Variants in RAB3C observed in about 807,000 individuals in gnomAD.
The protein encoded by RAB3C is ras-related protein Rab-3C.
RAB3C carries 17 observed loss-of-function variants against 26.4 expected under a neutral mutation model. The observed-to-expected ratio is 0.64, with a 90% confidence interval of 0.44 to 0.97. The LOEUF is 0.97. RAB3C is among the 50% of genes least tolerant of loss of function. The probability of loss-of-function intolerance (pLI) is 0.00; values close to 1 mark genes in which losing one functional copy is unlikely to be tolerated. For synonymous variants in RAB3C, 91 were observed against 95.9 expected, an observed-to-expected ratio of 0.95 and a Z score of 0.30; for missense variants, 242 against 281.9, an observed-to-expected ratio of 0.86 and a Z score of 1.01.
At chr5:58,589,005 C>A (rs1273508304) in intron 1 of RAB3C, among the ~76,000 whole-genome samples, 1 of 151,986 alleles carries the variant, frequency 6.6e-6, no homozygotes, top group Admixed American at 6.6e-5. Flanking sequence ...GAAGACCTTC[C>A]GTTTTTTATC....
intron 3 of RAB3C, among the ~76,000 whole-genome samples, chr5:58,786,492 C>T (rs997854890): frequency 4.6e-5 from 7 of 152,130 alleles, no homozygotes; most frequent in Non-Finnish European, 8.8e-5. Flanking sequence ...CTTGGCCTCT[C>T]CTCCCCGCCC....
Position 58,766,376 on chromosome 5 carries a change from A to G in RAB3C, c.371+40256A>G, listed in dbSNP as rs142375904. Among the ~76,000 whole-genome samples, 32 of 152,196 alleles carry G rather than the reference A, an allele frequency of 2.1e-4. 1 individual carries two copies. In the East Asian group the frequency reaches 5.6e-3, roughly 27 times the overall value. ...CGTGATCCACCCACCTCGGCCCCCC[A>G]AAGTGCTGGGATTACAGGCATGAGC... On this transcript the variant is annotated intron_variant, in intron 3 of 4. Coordinates refer to ENST00000282878, the MANE Select transcript of RAB3C (RefSeq NM_138453.4).
chr5:58,643,558 C>A (rs1747455174), intron 2 of RAB3C, among the ~76,000 whole-genome samples: 1 of 152,034 alleles, frequency 6.6e-6, no homozygotes, highest in Admixed American at 6.5e-5. Flanking sequence ...CACCTGTAAT[C>A]CCAGCTGCTT....
chr5:58,764,788 T>A (rs1741864201), intron 3 of RAB3C, among the ~76,000 whole-genome samples: 1 of 152,178 alleles, frequency 6.6e-6, no homozygotes, highest in South Asian at 2.1e-4. Context: ...GTAGCTTATA[T>A]CTGAAGCCAT....
In RAB3C at chr5:58,826,101, A is replaced by G. The variant is rs72762160; in HGVS notation, c.496+939A>G. On this transcript the variant is annotated intron_variant, in intron 4 of 4. Transcript: ENST00000282878. ...GAGGGAGGCAGACACAGGAAGGGGA[A>G]AAACATTGCCGGAAGGAGATGTAGG... 3.4e-3 allele frequency among the ~76,000 whole-genome samples: 521 copies of G among 152,272 alleles called. 2 individuals carry two copies. Among genetic ancestry groups the G allele is most frequent in the Admixed American group, 5.5e-3 (84 of 15,296 alleles).
chr5:58,669,943 C>T (rs982282861), intron 2 of RAB3C, among the ~76,000 whole-genome samples: 20 of 152,162 alleles, frequency 1.3e-4, no homozygotes, highest in African/African-American at 4.8e-4. Context: ...AATCTTGTTT[C>T]GCTCTCATTC....
At chr5:58,750,019 CTAT>C (rs374557619) in intron 3 of RAB3C, among the ~76,000 whole-genome samples, 86 of 152,166 alleles carry the variant, frequency 5.7e-4, no homozygotes, top group African/African-American at 2.0e-3. Flanking sequence ...TCTTTTTTAT[CTAT>C]TATTCTATTT....
chr5:58,672,952 G>A (rs1579850242), intron 2 of RAB3C, among the ~76,000 whole-genome samples: 2 of 152,214 alleles, frequency 1.3e-5, no homozygotes, highest in African/African-American at 2.4e-5. Flanking sequence ...CAGTTATTCA[G>A]TTGTTCTTGT....
intron 3 of RAB3C, among the ~76,000 whole-genome samples, chr5:58,732,510 T>C (rs1373997122): frequency 6.6e-6 from 1 of 152,172 alleles, no homozygotes; most frequent in Non-Finnish European, 1.5e-5. Flanking sequence ...CATTTTTTTC[T>C]TTCTTAAAGA....
At chr5:58,646,580 A>G (rs990310543) in intron 2 of RAB3C, among the ~76,000 whole-genome samples, 8 of 152,116 alleles carry the variant, frequency 5.3e-5, no homozygotes, top group Non-Finnish European at 1.2e-4. Flanking sequence ...GAGAAGGAAG[A>G]ACAAACCTTT....
At position 58,765,722 on chromosome 5, in the gene RAB3C, C is replaced by G. The variant is rs116397213; in HGVS notation, c.371+39602C>G. ...TGTGGATGCATCATCCATCATTTATCTAATCCGTCACATTGATATATGATA... is the reference window on the plus strand; with the variant it reads ...TGTGGATGCATCATCCATCATTTATGTAATCCGTCACATTGATATATGATA... On this transcript the variant is annotated intron_variant, in intron 3 of 4. Coordinates refer to ENST00000282878, the MANE Select transcript of RAB3C (RefSeq NM_138453.4). Among the ~76,000 whole-genome samples the G allele has an allele frequency of 5.9e-3, 898 of 152,294 alleles. 11 individuals are homozygous for G. The highest frequency in any genetic ancestry group is 0.02 in the African/African-American group (846 of 41,556).
At chr5:58,632,236 C>A (rs1156405995) in intron 2 of RAB3C, among the ~76,000 whole-genome samples, 2 of 152,190 alleles carry the variant, frequency 1.3e-5, no homozygotes, top group Non-Finnish European at 2.9e-5. Flanking sequence ...TTATCAGAAC[C>A]ATTGTCTCCC....
intron 2 of RAB3C, among the ~76,000 whole-genome samples, chr5:58,647,334 T>G (rs1747541427): frequency 1.3e-5 from 2 of 152,066 alleles, no homozygotes; most frequent in South Asian, 2.1e-4. Context: ...GGAGGCAAGT[T>G]TAGACCTTCT....
At chr5:58,642,671 G>A (rs1036641150) in intron 2 of RAB3C, among the ~76,000 whole-genome samples, 1 of 152,130 alleles carries the variant, frequency 6.6e-6, no homozygotes, top group African/African-American at 2.4e-5. Context: ...TGTGATGGAT[G>A]GTTTTTCCTT....
At chr5:58,731,093 G>T (rs570178061) in intron 3 of RAB3C, among the ~76,000 whole-genome samples, 1 of 152,056 alleles carries the variant, frequency 6.6e-6, no homozygotes, top group African/African-American at 2.4e-5. Context: ...TGACACGTGG[G>T]AATTATTACA....
At chr5:58,803,887 C>T (rs990797187) in intron 3 of RAB3C, among the ~76,000 whole-genome samples, 38 of 151,882 alleles carry the variant, frequency 2.5e-4, no homozygotes, top group African/African-American at 7.3e-4. Context: ...AGTGAAACCC[C>T]GTCTCTACTA....
At position 58,708,553 on chromosome 5, in the gene RAB3C, G is replaced by A. The variant is rs377382555; in HGVS notation, c.253-17449G>A. Among the ~76,000 whole-genome samples the A allele has an allele frequency of 9.9e-5, 15 of 152,268 alleles. No individual in the cohort carries two copies. In the East Asian group the frequency reaches 2.7e-3, roughly 27 times the overall value. On this transcript the variant is annotated intron_variant, in intron 2 of 4. Transcript: ENST00000282878. ...TCCTGTAGGAGAAGGATCAGTAGAG[G>A]CCAGTGCATCTGCTCCCTGACTCTG...
intron 3 of RAB3C, among the ~76,000 whole-genome samples, chr5:58,766,613 T>C (rs938616383): frequency 1.3e-5 from 2 of 151,806 alleles, no homozygotes; most frequent in African/African-American, 4.8e-5. Context: ...TCACCAGAGG[T>C]CCTGGTGTTT....
intron 2 of RAB3C, among the ~76,000 whole-genome samples, chr5:58,700,498 A>G (rs1244059211): frequency 6.6e-6 from 1 of 152,190 alleles, no homozygotes; most frequent in Non-Finnish European, 1.5e-5. Context: ...TAGAAACACA[A>G]TTAACTTATG....
Sources: gnomAD v4.1 joint callset for allele counts (sites outside exome capture counted in the v4.1 genomes callset) on GRCh38, gnomAD v4.1.1 for gene constraint, MANE v1.5 for transcripts, NCBI Gene and HGNC (gene_info 2026-07-23, HGNC 2026-07-21) for gene names.